The following CNTNAP5 variants were observed in gnomAD, a reference collection of about 807,000 sequenced individuals.
CNTNAP5 encodes the protein contactin-associated protein-like 5.
Under a neutral mutation model 150.2 loss-of-function variants are expected in CNTNAP5, and 72 were observed. The ratio of observed to expected loss-of-function variants is 0.48; its 90% CI spans 0.40 to 0.58. The LOEUF (loss-of-function observed/expected upper bound fraction) is 0.58, where lower values mean the gene tolerates loss of function less well. CNTNAP5 is among the 20% of genes least tolerant of loss of function. The pLI is 0.00. For missense variants in CNTNAP5, 1,636 were observed against 1,626.2 expected, an observed-to-expected ratio of 1.01 and a Z score of -0.10; for synonymous variants, 672 against 619.8, an observed-to-expected ratio of 1.08 and a Z score of -1.25.
At chr2:124,823,988 G>A (rs972655601) in intron 19 of CNTNAP5, among the ~76,000 whole-genome samples, 7 of 150,216 alleles carry the variant, frequency 4.7e-5, no homozygotes, top group Non-Finnish European at 7.4e-5. Context: ...GCGGGATCTC[G>A]GCTCACTTCA....
At chr2:124,877,824 A>G (rs982373557) in intron 21 of CNTNAP5, among the ~76,000 whole-genome samples, 2 of 152,130 alleles carry the variant, frequency 1.3e-5, no homozygotes, top group African/African-American at 4.8e-5. Context: ...GCTAATACCA[A>G]TAGTATCATA....
chr2:124,789,812 C>T, intron 17 of CNTNAP5, 90 bp from the exon 18 acceptor site: 1 of 1,174,460 alleles, frequency 8.5e-7, no homozygotes, highest in Non-Finnish European at 1.2e-6. Context: ...CAACAGAGAA[C>T]TACTTAACTC....
At chr2:124,464,594 CAT>C (rs1693332938) in intron 6 of CNTNAP5, among the ~76,000 whole-genome samples, 1 of 152,154 alleles carries the variant, frequency 6.6e-6, no homozygotes, top group Non-Finnish European at 1.5e-5. Context: ...AACAGTAAAA[CAT>C]AAGTTACAAA....
rs147813533 is a variant in CNTNAP5 at position 124,903,180 on chromosome 2, A to G, written c.3655+80A>G. 1,346 of 930,446 alleles carry G rather than the reference A, an allele frequency of 1.4e-3. 18 individuals are homozygous for G. In the African/African-American group the frequency reaches 0.02, roughly 14 times the overall value. The allele number at this position is 930,446 out of a possible 1,614,324, so 57.6% of individuals were successfully genotyped here. ...TCTTCAAGAAGCTTCCAGATTAAAG[A>G]GTTGGCTAATGTGACTCAGTTTTTA... On this transcript the variant is annotated intron_variant, in intron 22 of 23. Coordinates refer to ENST00000682447, the MANE Select transcript of CNTNAP5 (RefSeq NM_001367498.1).
At chr2:124,118,902 T>C (rs1683491231) in intron 1 of CNTNAP5, among the ~76,000 whole-genome samples, 2 of 152,354 alleles carry the variant, frequency 1.3e-5, no homozygotes, top group Non-Finnish European at 2.9e-5. Context: ...GACCCAGGTC[T>C]ATCTGGCTCC....
chr2:124,039,143 G>C (rs1364617406), intron 1 of CNTNAP5, among the ~76,000 whole-genome samples: 1 of 152,180 alleles, frequency 6.6e-6, no homozygotes, highest in East Asian at 1.9e-4. Context: ...TCAAATACTT[G>C]TGTCCTTATC....
At chr2:124,274,955 G>T (rs1000090888) in intron 3 of CNTNAP5, among the ~76,000 whole-genome samples, 1 of 152,264 alleles carries the variant, frequency 6.6e-6, no homozygotes, top group Admixed American at 6.5e-5. Context: ...AGAAAAAGAG[G>T]TTTAATGGAC....
chr2:124,615,944 A>G (rs1677483800), intron 12 of CNTNAP5, among the ~76,000 whole-genome samples: 1 of 152,172 alleles, frequency 6.6e-6, no homozygotes, highest in South Asian at 2.1e-4. Context: ...TTTGAAAGAA[A>G]TCCTTTTTTT....
Position 124,868,121 on chromosome 2 carries a change from T to C in CNTNAP5, c.3349-1554T>C, listed in dbSNP as rs532977649. On this transcript the variant is annotated intron_variant, in intron 20 of 23. Coordinates refer to ENST00000682447, the MANE Select transcript of CNTNAP5 (RefSeq NM_001367498.1). ...TCACTGTTTACAGTTGCCTTTTGAT[T>C]GACATCTCCCTGCTCCTCTTTAGGT... 2.6e-5 allele frequency among the ~76,000 whole-genome samples: 4 copies of C among 152,288 alleles called. No homozygotes were observed. The South Asian group carries it at 6.2e-4, about 24-fold the overall frequency.
intron 3 of CNTNAP5, among the ~76,000 whole-genome samples, chr2:124,357,250 T>G (rs1048285401): frequency 2.0e-5 from 3 of 152,142 alleles, no homozygotes; most frequent in African/African-American, 7.2e-5. Context: ...CTCCCACTTT[T>G]TAGGTTGCCT....
At position 124,684,227 on chromosome 2, in the gene CNTNAP5, A is replaced by G. The variant is rs1344094452; in HGVS notation, c.2077+36269A>G. On this transcript the variant is annotated intron_variant, in intron 13 of 23. Transcript: ENST00000682447. ...GGGTTGCAGCTGCTTAAACAAAGCC[A>G]GCGGAGTGCTGTTAACATGCAGTCC... 2.6e-5 allele frequency among the ~76,000 whole-genome samples: 4 copies of G among 152,190 alleles called. No individual in the cohort carries two copies. In the East Asian group the frequency reaches 7.7e-4, roughly 29 times the overall value.
At chr2:124,195,980 C>T (rs999272139) in intron 1 of CNTNAP5, among the ~76,000 whole-genome samples, 1 of 152,062 alleles carries the variant, frequency 6.6e-6, no homozygotes, top group African/African-American at 2.4e-5. Flanking sequence ...TGATGATGTA[C>T]CTAATTGTGG....
intron 10 of CNTNAP5, among the ~76,000 whole-genome samples, chr2:124,549,196 A>C (rs982976960): frequency 6.6e-6 from 1 of 152,182 alleles, no homozygotes; most frequent in East Asian, 1.9e-4. Flanking sequence ...GTATCTGTTC[A>C]CTTCATCCAT....
intron 19 of CNTNAP5, among the ~76,000 whole-genome samples, chr2:124,858,303 AC>A (rs1367851421): frequency 1.3e-5 from 2 of 152,226 alleles, no homozygotes; most frequent in Non-Finnish European, 2.9e-5. Flanking sequence ...TATCTAAAAC[AC>A]CCCATCATCT....
intron 1 of CNTNAP5, among the ~76,000 whole-genome samples, chr2:124,168,033 A>G (rs1448787780): frequency 6.6e-6 from 1 of 152,200 alleles, no homozygotes; most frequent in Admixed American, 6.5e-5. Context: ...CCTTACTATA[A>G]AAGAGGAAGA....
At chr2:124,756,737 T>G (rs1341341671) in intron 14 of CNTNAP5, among the ~76,000 whole-genome samples, 1 of 151,328 alleles carries the variant, frequency 6.6e-6, no homozygotes, top group Non-Finnish European at 1.5e-5. Flanking sequence ...CATATCGGGG[T>G]GGGGAACAAC....
chr2:124,615,877 G>A (rs1307305832), intron 12 of CNTNAP5, among the ~76,000 whole-genome samples: 1 of 152,182 alleles, frequency 6.6e-6, no homozygotes, highest in East Asian at 1.9e-4. Context: ...TAACCTCTTT[G>A]TAGATCTCCA....
chr2:124,789,850 G>A (rs1373139893), intron 17 of CNTNAP5, 52 bp from the exon 18 acceptor site: 6 of 1,566,176 alleles, frequency 3.8e-6, no homozygotes, highest in Admixed American at 3.5e-5. Context: ...AAACCTAAAT[G>A]TATTGAGCCC....
chr2:124,544,263 T>C (rs948387240), intron 10 of CNTNAP5, among the ~76,000 whole-genome samples: 17 of 152,178 alleles, frequency 1.1e-4, no homozygotes, highest in Admixed American at 1.1e-3. Flanking sequence ...AAAAAATGTG[T>C]CAAATAAAAG....
Sources: allele counts gnomAD v4.1 joint callset (sites outside exome capture counted in the v4.1 genomes callset), GRCh38; gene constraint gnomAD v4.1.1; transcripts MANE v1.5; gene names NCBI Gene and HGNC (gene_info 2026-07-23, HGNC 2026-07-21).